Variants in ZNF420 observed in about 807,000 individuals in gnomAD.
ZNF420 encodes ATM and p53-associated KZNF protein.
ZNF420 carries 31 observed loss-of-function variants against 44.7 expected under a neutral mutation model. The ratio of observed to expected loss-of-function variants is 0.69; its 90% confidence interval spans 0.52 to 0.94. The LOEUF (loss-of-function observed/expected upper bound fraction) is 0.94. Ranked by LOEUF, ZNF420 falls within the 40% of genes least tolerant of loss-of-function variation. The pLI is 0.00. For synonymous variants in ZNF420, 245 were observed against 267.4 expected (o/e 0.92, Z 0.82); for missense variants, 681 against 827.9 (o/e 0.82, Z 2.18).
chr19:37,067,457 G>C (rs949283574), intron 1 of ZNF420, among the ~76,000 whole-genome samples: 1 of 152,100 alleles, frequency 6.6e-6, no homozygotes, highest in Non-Finnish European at 1.5e-5. Context: ...TGGATACAAG[G>C]CTAATTATTT....
intron 1 of ZNF420, among the ~76,000 whole-genome samples, chr19:37,008,587 C>T (rs1045863801): frequency 2.0e-5 from 3 of 152,138 alleles, no homozygotes; most frequent in African/African-American, 4.8e-5. Context: ...GTTTTAAGTC[C>T]GCGAGACTCT....
At position 37,127,160 on chromosome 19, in the gene ZNF420, T is replaced by C; in HGVS notation, c.169T>C (p.Ser57Pro). The C allele has an allele frequency of 1.3e-6, 2 of 1,541,298 alleles. No individual in the cohort carries two copies. The change falls in exon 5 of 5, where the codon TCT (serine) becomes CCT (proline). Residue 57 changes from serine to proline, a missense_variant. By Grantham distance (74) the Ser-to-Pro change is moderately conservative. Around this residue, in one of 3 missense-constraint regions of ZNF420, gnomAD observed 350 missense variants for 382.5 expected, o/e 0.92. Transcript: ENST00000337995. ...TTCAAGGTGTGCAAGTAAGGACTTATCTCCAGAAAAGAACACTTATGAAAC... is the reference window on the plus strand; with the variant it reads ...TTCAAGGTGTGCAAGTAAGGACTTACCTCCAGAAAAGAACACTTATGAAAC... Reference protein sequence around the residue: ...LPSRCASKDLSPEKNTYETEL... With the variant: ...LPSRCASKDLPPEKNTYETEL...
chr19:37,068,850 G>A (rs918726844), intron 1 of ZNF420, among the ~76,000 whole-genome samples: 5 of 152,010 alleles, frequency 3.3e-5, no homozygotes, highest in African/African-American at 1.2e-4. Context: ...ACAGACTAGA[G>A]CATTATTATA....
upstream of ZNF420, among the ~76,000 whole-genome samples, chr19:37,077,765 CAAAA>C (rs1968196157): frequency 6.6e-6 from 1 of 152,118 alleles, no homozygotes; most frequent in South Asian, 2.1e-4. Context: ...CGGCCACACA[CAAAA>C]AAGCAGATAT....
At chr19:37,113,008 G>A (rs1970463600) in intron 4 of ZNF420, among the ~76,000 whole-genome samples, 1 of 152,120 alleles carries the variant, frequency 6.6e-6, no homozygotes, top group African/African-American at 2.4e-5. Context: ...TGTGGTAACT[G>A]GCCCATTCCC....
intron 1 of ZNF420, among the ~76,000 whole-genome samples, chr19:37,040,227 A>C (rs550269366): frequency 6.6e-6 from 1 of 152,304 alleles, no homozygotes; most frequent in Middle Eastern, 3.4e-3. Context: ...TTCATCTTGC[A>C]CTATTATATC....
chr19:37,061,146 A>T (rs190495054), intron 1 of ZNF420, among the ~76,000 whole-genome samples: 1 of 152,198 alleles, frequency 6.6e-6, no homozygotes, highest in East Asian at 1.9e-4. Context: ...ATCGCCCCGT[A>T]TGCCCTCTGT....
At chr19:37,121,206 G>A (rs1396156373) in intron 4 of ZNF420, among the ~76,000 whole-genome samples, 1,746 of 146,014 alleles carry the variant, frequency 0.012, 40 homozygotes, top group African/African-American at 0.044. Context: ...GAGGCATCAT[G>A]CTACCTGACC....
upstream of ZNF420, among the ~76,000 whole-genome samples, chr19:37,073,756 A>G (rs1226996826): frequency 1.3e-5 from 2 of 151,360 alleles, no homozygotes; most frequent in Non-Finnish European, 2.9e-5. Flanking sequence ...AAAAAGAAAA[A>G]AAAAAAAAAA....
At chr19:37,072,276 A>G (rs1418500254) in intron 1 of ZNF420, among the ~76,000 whole-genome samples, 2 of 152,224 alleles carry the variant, frequency 1.3e-5, no homozygotes, top group Admixed American at 1.3e-4. Flanking sequence ...TGTGGAATTA[A>G]GACCCATTTC....
chr19:37,059,875 CTCTG>C (rs950253048), intron 1 of ZNF420, among the ~76,000 whole-genome samples: 5 of 151,902 alleles, frequency 3.3e-5, no homozygotes, highest in African/African-American at 1.2e-4. Context: ...ATTCTCTTTT[CTCTG>C]TCTCTCACTT....
intron 1 of ZNF420, among the ~76,000 whole-genome samples, chr19:37,064,465 TAC>T (rs945280202): frequency 2.0e-5 from 3 of 152,180 alleles, no homozygotes; most frequent in African/African-American, 7.2e-5. Flanking sequence ...GCCCCTTACT[TAC>T]ACATATAAAA....
At chr19:37,094,790 T>C (rs1053826499) in intron 4 of ZNF420, among the ~76,000 whole-genome samples, 13 of 152,212 alleles carry the variant, frequency 8.5e-5, no homozygotes, top group African/African-American at 3.1e-4. Flanking sequence ...ATACCAGCAA[T>C]GTATATCTAT....
chr19:37,126,588 C>G (rs1971358598), intron 4 of ZNF420, among the ~76,000 whole-genome samples: 2 of 152,144 alleles, frequency 1.3e-5, no homozygotes, highest in African/African-American at 4.8e-5. Context: ...TCTCCAGGAT[C>G]TTTTTCTGAT....
intron 4 of ZNF420, among the ~76,000 whole-genome samples, chr19:37,124,569 T>G (rs1439150501): frequency 6.6e-6 from 1 of 152,248 alleles, no homozygotes; most frequent in Non-Finnish European, 1.5e-5. Flanking sequence ...CAACAGTATT[T>G]GAGAATTTTT....
intron 1 of ZNF420, among the ~76,000 whole-genome samples, chr19:37,042,442 T>G: frequency 6.6e-6 from 1 of 152,228 alleles, no homozygotes; most frequent in East Asian, 1.9e-4. Context: ...TTTCCAAAAC[T>G]AAGGCAAAGG....
At chr19:37,077,251 G>T (rs752456800), upstream of ZNF420, among the ~76,000 whole-genome samples, 4 of 152,216 alleles carry the variant, frequency 2.6e-5, no homozygotes, top group Non-Finnish European at 5.9e-5. Context: ...GAGGACAAGT[G>T]TTTGACCTAG....
At chr19:37,032,224 C>T (rs1454269810) in intron 1 of ZNF420, among the ~76,000 whole-genome samples, 2 of 152,042 alleles carry the variant, frequency 1.3e-5, no homozygotes, top group Admixed American at 1.3e-4. Context: ...CCTGTAGTCC[C>T]AGCTACTGGG....
intron 4 of ZNF420, among the ~76,000 whole-genome samples, chr19:37,100,566 T>G (rs1388420755): frequency 6.6e-6 from 1 of 151,914 alleles, no homozygotes; most frequent in Non-Finnish European, 1.5e-5. Context: ...TACAAAAAAT[T>G]GCTGGGTGTG....
Sources: gnomAD v4.1 joint callset for allele counts (sites outside exome capture counted in the v4.1 genomes callset) on GRCh38, gnomAD v4.1.1 for gene constraint, gnomAD v4.1.1 regional missense constraint, MANE v1.5 for transcripts, NCBI Gene and HGNC (gene_info 2026-07-23, HGNC 2026-07-21) for gene names.